GARIN2: variants seen among roughly 807,000 people sequenced by gnomAD.
The protein encoded by GARIN2 is Golgi-associated RAB2 interactor protein 2.
chr14:67,210,665 T>C, the GARIN2 span, among the ~76,000 whole-genome samples: 7 of 151,880 alleles, frequency 4.6e-5, no homozygotes, highest in Non-Finnish European at 5.9e-5. Context: ...ATTGTAAAAG[T>C]AAATTGAATC....
the GARIN2 span, among the ~76,000 whole-genome samples, chr14:67,191,497 T>A: frequency 6.6e-6 from 1 of 152,210 alleles, no homozygotes; most frequent in Non-Finnish European, 1.5e-5. Context: ...GCTTTTCAGA[T>A]TCCCACTCTC....
the GARIN2 span, among the ~76,000 whole-genome samples, chr14:67,218,643 G>T: frequency 1.3e-5 from 2 of 152,300 alleles, no homozygotes; most frequent in Admixed American, 6.5e-5. Context: ...GATTTTGGGT[G>T]CAGGGTCATT....
the GARIN2 span, among the ~76,000 whole-genome samples, chr14:67,212,359 G>A: frequency 6.6e-6 from 1 of 151,744 alleles, no homozygotes; most frequent in African/African-American, 2.4e-5. Flanking sequence ...GTAATCCCAT[G>A]GGCAGATCGC....
At chr14:67,223,722 T>C in the GARIN2 span, 1 of 981,578 alleles carries the variant, frequency 1.0e-6, no homozygotes, top group Non-Finnish European at 1.2e-6. Context: ...CACCTTTTTC[T>C]CCCATGTTTT....
At chr14:67,221,653 A>G in the GARIN2 span, 12 of 1,443,546 alleles carry the variant, frequency 8.3e-6, no homozygotes, top group Non-Finnish European at 1.1e-5. Flanking sequence ...TAGGTTTGCT[A>G]AACGTGTTTC....
chr14:67,212,288 C>T, the GARIN2 span, among the ~76,000 whole-genome samples: 1 of 150,860 alleles, frequency 6.6e-6, no homozygotes, highest in Non-Finnish European at 1.5e-5. Context: ...AATGTATCTT[C>T]TTTAAAATGG....
chr14:67,192,649 C>T, the GARIN2 span, among the ~76,000 whole-genome samples: 8 of 151,568 alleles, frequency 5.3e-5, no homozygotes, highest in Non-Finnish European at 8.8e-5. Context: ...ATTATTTTGC[C>T]ACTCTTTACA....
the GARIN2 span, chr14:67,203,243 G>A: frequency 6.2e-7 from 1 of 1,610,940 alleles, no homozygotes; most frequent in Non-Finnish European, 8.5e-7. Context: ...CAGAAACCCT[G>A]TTTAAAAGTC....
the GARIN2 span, among the ~76,000 whole-genome samples, chr14:67,211,284 A>T: frequency 6.6e-6 from 1 of 152,322 alleles, no homozygotes; most frequent in African/African-American, 2.4e-5. Context: ...GGAAAGAGAG[A>T]GGAAGATAGG....
the GARIN2 span, among the ~76,000 whole-genome samples, chr14:67,211,515 A>G: frequency 6.6e-6 from 1 of 152,250 alleles, no homozygotes; most frequent in Non-Finnish European, 1.5e-5. Flanking sequence ...TTAATAGGTG[A>G]CAATGACCAT....
the GARIN2 span, chr14:67,204,624 C>T: frequency 1.2e-6 from 2 of 1,613,874 alleles, no homozygotes; most frequent in East Asian, 4.5e-5. Flanking sequence ...GTCGAGCCTA[C>T]TACTTACAGC....
the GARIN2 span, among the ~76,000 whole-genome samples, chr14:67,211,815 G>T: frequency 4.0e-4 from 61 of 152,090 alleles, no homozygotes; most frequent in Admixed American, 1.0e-3. Flanking sequence ...TTGCACTCCA[G>T]CCCGGGTGAT....
chr14:67,223,864 G>T, the GARIN2 span: 1 of 985,306 alleles, frequency 1.0e-6, no homozygotes, highest in Non-Finnish European at 1.2e-6. Flanking sequence ...TTAACACCCT[G>T]TACCCCAAGA....
the GARIN2 span, among the ~76,000 whole-genome samples, chr14:67,192,178 G>A: frequency 0.66 from 100,469 of 152,094 alleles, 38,302 homozygotes; most frequent in Non-Finnish European, 0.88. Flanking sequence ...GACATTGAAT[G>A]GGCCTAGCAA....
the GARIN2 span, among the ~76,000 whole-genome samples, chr14:67,203,724 T>A: frequency 1.3e-5 from 2 of 152,232 alleles, no homozygotes; most frequent in African/African-American, 4.8e-5. Context: ...TGACGTGTTT[T>A]GTTTTTGAGA....
At chr14:67,210,828 C>T in the GARIN2 span, among the ~76,000 whole-genome samples, 2 of 151,934 alleles carry the variant, frequency 1.3e-5, no homozygotes, top group South Asian at 4.1e-4. Flanking sequence ...GCCTGGGCTA[C>T]ATGGTGAAAC....
chr14:67,199,688 C>T, the GARIN2 span: 9 of 1,584,514 alleles, frequency 5.7e-6, no homozygotes, highest in Non-Finnish European at 7.8e-6. Flanking sequence ...CCCTCATCAG[C>T]TGTTTGCAGA....
chr14:67,202,785 TAAGTC>T, the GARIN2 span, among the ~76,000 whole-genome samples: 1 of 152,234 alleles, frequency 6.6e-6, no homozygotes, highest in Non-Finnish European at 1.5e-5. Flanking sequence ...CACTCTAAGC[TAAGTC>T]AAGTCCTCTG....
the GARIN2 span, among the ~76,000 whole-genome samples, chr14:67,192,960 A>G: frequency 2.7e-5 from 4 of 146,706 alleles, no homozygotes; most frequent in African/African-American, 4.9e-5. Context: ...CTATATATCT[A>G]TATATCGATA....
Sources: gnomAD v4.1 joint callset for allele counts (sites outside exome capture counted in the v4.1 genomes callset) on GRCh38, gnomAD v4.1.1 for gene constraint, MANE v1.5 for transcripts, NCBI Gene and HGNC (gene_info 2026-07-23, HGNC 2026-07-21) for gene names.